ANO6: variants seen among roughly 807,000 people sequenced by gnomAD.
The protein encoded by ANO6 is anoctamin 6.
Under a neutral mutation model 117.5 loss-of-function variants are expected in ANO6, and 106 were observed. The ratio of observed to expected loss-of-function variants is 0.90; its 90% CI spans 0.77 to 1.06. The LOEUF is 1.06. ANO6 is among the 50% of genes least tolerant of loss of function. ANO6 has a pLI of 0.00. For synonymous variants in ANO6, 367 were observed against 385.1 expected (o/e 0.95, Z 0.55); for missense variants, 955 against 1,121.1 (o/e 0.85, Z 2.12).
chr12:45,250,020 G>C (rs1475524859), intron 1 of ANO6, among the ~76,000 whole-genome samples: 2 of 152,110 alleles, frequency 1.3e-5, no homozygotes, highest in East Asian at 3.9e-4. Context: ...TCACACAAAA[G>C]GCTAACCTTG....
chr12:45,278,048 C>G (rs1053520258), intron 1 of ANO6, among the ~76,000 whole-genome samples: 5 of 151,992 alleles, frequency 3.3e-5, no homozygotes, highest in African/African-American at 1.2e-4. Context: ...AAACTCCTAG[C>G]TCAAGCTATC....
At chr12:45,226,131 A>G (rs1291334090) in intron 1 of ANO6, among the ~76,000 whole-genome samples, 1 of 152,212 alleles carries the variant, frequency 6.6e-6, no homozygotes, top group Non-Finnish European at 1.5e-5. Context: ...ACCAAAGAGC[A>G]ATTCAAATAC....
At chr12:45,317,196 T>A (rs1160230571) in intron 2 of ANO6, among the ~76,000 whole-genome samples, 2 of 142,634 alleles carry the variant, frequency 1.4e-5, no homozygotes, top group Non-Finnish European at 3.1e-5. Flanking sequence ...TATGTATACA[T>A]GTGCCATGTT....
Position 45,416,796 on chromosome 12 carries a change from A to G in ANO6, c.2109A>G (p.Ala703=), listed in dbSNP as rs747612657. The G allele has an allele frequency of 1.2e-6, 2 of 1,614,046 alleles. No individual in the cohort carries two copies. Among genetic ancestry groups the G allele is most frequent in the East Asian group, 2.2e-5 (1 of 44,896 alleles). Residue 703 remains alanine (A), a synonymous_variant, in exon 17 of 20, where the codon GCA becomes GCG. Transcript: ENST00000320560. Reference sequence around the variant, plus strand: ...ATATATTGGAAATAAGAGTGGACGCATGGAAACTGACCACCCAGTTTAGAC... The same window carrying G: ...ATATATTGGAAATAAGAGTGGACGCGTGGAAACTGACCACCCAGTTTAGAC... The part of the protein sequence containing the change: ...VNNILEIRVD[A]WKLTTQFRRL...
At position 45,348,555 on chromosome 12, in the gene ANO6, TAAAC is replaced by T; in HGVS notation, c.674_677del (p.Asn225MetfsTer11). The T allele has an allele frequency of 6.2e-7, 1 of 1,614,050 alleles. No homozygotes were observed. Among genetic ancestry groups the T allele is most frequent in the Non-Finnish European group, 8.5e-7 (1 of 1,179,948 alleles). ...CTCTCTCGGGTCAAGTATCAAGTGA[TAAAC>T]AATGTTAGCAAGTTTGGGATCAACA... On this transcript the variant is annotated frameshift_variant, in exon 6 of 20. Transcript: ENST00000320560. LOFTEE classifies it high-confidence loss of function.
At position 45,228,258 on chromosome 12, in the gene ANO6, G is replaced by A. The variant is rs1038028512; in HGVS notation, c.70+11867G>A. On this transcript the variant is annotated intron_variant, in intron 1 of 19. Transcript: ENST00000320560. Reference sequence around the variant, plus strand: ...TGATCCTCTTACCTCAACCTCCTGCGTATCTGGGACCACAGGTATGCACCA... The same window carrying A: ...TGATCCTCTTACCTCAACCTCCTGCATATCTGGGACCACAGGTATGCACCA... The A allele has an allele frequency of 3.2e-5, 13 of 407,140 alleles. No individual in the cohort carries two copies. The East Asian group carries it at 3.2e-4, about 10-fold the overall frequency. The allele number at this position is 407,140 out of a possible 1,614,324, so 25.2% of individuals were successfully genotyped here.
At chr12:45,373,633 G>A (rs1593030288) in intron 9 of ANO6, among the ~76,000 whole-genome samples, 1 of 152,192 alleles carries the variant, frequency 6.6e-6, no homozygotes, top group East Asian at 1.9e-4. Flanking sequence ...ACGAAATGAA[G>A]GCAGAAATAA....
chr12:45,330,873 A>C (rs1425260758), intron 2 of ANO6, among the ~76,000 whole-genome samples: 1 of 152,052 alleles, frequency 6.6e-6, no homozygotes, highest in Non-Finnish European at 1.5e-5. Flanking sequence ...GTTAGAAAAT[A>C]AGACATAAGA....
At chr12:45,408,010 C>A (rs149389210) in intron 15 of ANO6, among the ~76,000 whole-genome samples, 1 of 152,214 alleles carries the variant, frequency 6.6e-6, no homozygotes, top group Admixed American at 6.5e-5. Flanking sequence ...GAGATAATTT[C>A]CCCTGAGTAA....
intron 3 of ANO6, among the ~76,000 whole-genome samples, chr12:45,333,593 G>GA (rs992559532): frequency 3.9e-4 from 60 of 151,900 alleles, no homozygotes; most frequent in South Asian, 2.7e-3. Context: ...AAATAAGGAG[G>GA]AAAAAAATCA....
intron 15 of ANO6, 54 bp downstream of exon 15, chr12:45,403,590 A>G: frequency 6.9e-7 from 1 of 1,442,348 alleles, no homozygotes. Flanking sequence ...AGAACAGCCC[A>G]TCCACACAAA....
chr12:45,337,569 G>A (rs1471630371), intron 3 of ANO6, among the ~76,000 whole-genome samples: 2 of 152,042 alleles, frequency 1.3e-5, no homozygotes, highest in Non-Finnish European at 2.9e-5. Context: ...AATAGTATTC[G>A]ATGCTTACAT....
intron 1 of ANO6, among the ~76,000 whole-genome samples, chr12:45,230,760 G>A (rs1490514797): frequency 6.6e-6 from 1 of 151,992 alleles, no homozygotes; most frequent in Non-Finnish European, 1.5e-5. Context: ...CTTGTATTAA[G>A]GTCTAAAAAG....
chr12:45,222,052 T>A (rs1304819681), intron 1 of ANO6, among the ~76,000 whole-genome samples: 1 of 151,694 alleles, frequency 6.6e-6, no homozygotes, highest in Non-Finnish European at 1.5e-5. Context: ...CAGCTATTTT[T>A]TTTGTATTTT....
chr12:45,371,587 C>G (rs1209771855), intron 9 of ANO6, among the ~76,000 whole-genome samples: 1 of 151,948 alleles, frequency 6.6e-6, no homozygotes, highest in Non-Finnish European at 1.5e-5. Context: ...GGAGGCACCC[C>G]CCAGCAGGGG....
chr12:45,402,563 G>A (rs1942820653), intron 13 of ANO6, among the ~76,000 whole-genome samples: 1 of 152,172 alleles, frequency 6.6e-6, no homozygotes, highest in Admixed American at 6.5e-5. Context: ...TCCCTGAATG[G>A]CCTGCTCGGT....
At chr12:45,367,833 A>T in intron 9 of ANO6, 40 bp downstream of exon 9, 2 of 1,432,160 alleles carry the variant, frequency 1.4e-6, no homozygotes, top group South Asian at 2.3e-5. Context: ...CTAATGAAAG[A>T]TTTTTTTTCT....
intron 11 of ANO6, among the ~76,000 whole-genome samples, chr12:45,390,144 C>T (rs1304084589): frequency 1.3e-5 from 2 of 152,192 alleles, no homozygotes; most frequent in Admixed American, 6.5e-5. Flanking sequence ...TGCAGCTTGG[C>T]ACCATCAGAC....
chr12:45,340,623 T>G (rs969153514), intron 3 of ANO6, among the ~76,000 whole-genome samples: 1 of 152,174 alleles, frequency 6.6e-6, no homozygotes, highest in African/African-American at 2.4e-5. Context: ...ACATAGATAA[T>G]TTTTACTTTA....
Sources: gnomAD v4.1 joint callset for allele counts (sites outside exome capture counted in the v4.1 genomes callset) on GRCh38, gnomAD v4.1.1 for gene constraint, MANE v1.5 for transcripts, NCBI Gene and HGNC (gene_info 2026-07-23, HGNC 2026-07-21) for gene names.